The following CXADR variants were observed in gnomAD, a reference collection of about 807,000 sequenced individuals.
The protein encoded by CXADR is coxsackievirus and adenovirus receptor.
In CXADR, 20 loss-of-function variants were observed where a neutral mutation model predicts 40.3. That is an observed-to-expected ratio of 0.50 (90% CI 0.35 to 0.72). CXADR has a LOEUF of 0.72. Ranked by LOEUF, CXADR falls within the 30% of genes least tolerant of loss-of-function variation. CXADR has a pLI of 0.01. For missense variants in CXADR, 332 were observed against 449.1 expected, an observed-to-expected ratio of 0.74 and a Z score of 2.36; for synonymous variants, 150 against 161.3, an observed-to-expected ratio of 0.93 and a Z score of 0.53.
In CXADR at chr21:17,576,704, C is replaced by A. The variant is rs1260224611; in HGVS notation, c.1017+11093C>A. 3.3e-5 allele frequency: 5 copies of A among 152,152 alleles called. No individual in the cohort carries two copies. The East Asian group carries it at 7.7e-4, about 24-fold the overall frequency. 9.4% of individuals were successfully genotyped at this position (152,152 alleles called of 1,614,324 possible). A position where few individuals can be genotyped will look rare whatever the true frequency, so the allele number is the denominator to read the frequency against. On this transcript the variant is annotated intron_variant, in intron 7 of 7. Transcript: ENST00000400169. ...TGCCTTTGGGATTTTTACAGTAACT[C>A]GGAAGTAGTCCCTTGGTGTTATGTA... is the stretch of plus-strand genomic sequence containing the variant.
chr21:17,552,364 A>G (rs187254570), intron 3 of CXADR, among the ~76,000 whole-genome samples: 2 of 152,352 alleles, frequency 1.3e-5, no homozygotes, highest in Admixed American at 6.5e-5. Context: ...ATTGAATTCA[A>G]GTAAGGCCAT....
At chr21:17,538,030 C>T (rs1167180096) in intron 1 of CXADR, among the ~76,000 whole-genome samples, 1 of 151,288 alleles carries the variant, frequency 6.6e-6, no homozygotes, top group Middle Eastern at 3.2e-3. Context: ...AAGATGGAGT[C>T]TCTCTCTGTT....
intron 7 of CXADR, among the ~76,000 whole-genome samples, chr21:17,589,914 TATTA>T (rs1473205057): frequency 6.6e-6 from 1 of 152,102 alleles, no homozygotes; most frequent in Non-Finnish European, 1.5e-5. Flanking sequence ...TATTGGGCAT[TATTA>T]ATTTTGATTC....
At chr21:17,605,095 A>G in the CXADR span, 2 of 1,318,722 alleles carry the variant, frequency 1.5e-6, no homozygotes, top group African/African-American at 1.5e-5. Context: ...ATAAAATAGT[A>G]ATAAAAAAAT....
intron 7 of CXADR, among the ~76,000 whole-genome samples, chr21:17,586,078 T>G (rs62239949): frequency 0.12 from 18,848 of 152,164 alleles, 1,224 homozygotes; most frequent in Middle Eastern, 0.19. Flanking sequence ...TTGTGGCCAG[T>G]AATTTTTATA....
At chr21:17,559,281 G>T in intron 4 of CXADR, 150 bp downstream of exon 4, 1 of 762,980 alleles carries the variant, frequency 1.3e-6, no homozygotes, top group African/African-American at 1.8e-5. Flanking sequence ...CTAGGCTCAA[G>T]TCATCCTCCC....
At chr21:17,632,875 A>G in the CXADR span, among the ~76,000 whole-genome samples, 3 of 152,064 alleles carry the variant, frequency 2.0e-5, no homozygotes, top group African/African-American at 7.2e-5. Context: ...TCAAAAAAAT[A>G]AAAAAATAAA....
intron 3 of CXADR, among the ~76,000 whole-genome samples, chr21:17,554,246 C>T (rs1007807971): frequency 6.6e-6 from 1 of 150,684 alleles, no homozygotes; most frequent in Non-Finnish European, 1.5e-5. Flanking sequence ...CTGAAGAGAA[C>T]ATTACAGCAG....
downstream of CXADR, among the ~76,000 whole-genome samples, chr21:17,574,907 T>C (rs1376511096): frequency 1.3e-5 from 2 of 151,532 alleles, no homozygotes; most frequent in Non-Finnish European, 2.9e-5. Context: ...GTGTGTGATA[T>C]AAACAAGTGC....
At chr21:17,521,639 T>C (rs1157034297) in intron 1 of CXADR, among the ~76,000 whole-genome samples, 1 of 152,178 alleles carries the variant, frequency 6.6e-6, no homozygotes, top group African/African-American at 2.4e-5. Flanking sequence ...CAAATTTTGA[T>C]AGAGGAGTGG....
chr21:17,562,797 G>A (rs551259810), intron 6 of CXADR, among the ~76,000 whole-genome samples: 1 of 152,226 alleles, frequency 6.6e-6, no homozygotes, highest in South Asian at 2.1e-4. Flanking sequence ...TTATGTTATG[G>A]AAATGGCCTT....
intron 3 of CXADR, 128 bp downstream of exon 3, chr21:17,552,081 A>G (rs1303621083): frequency 1.4e-6 from 1 of 693,512 alleles, no homozygotes; most frequent in Admixed American, 2.9e-5. Flanking sequence ...CACTTGAAGT[A>G]CTTCTATGTT....
At chr21:17,531,690 A>G (rs957069071) in intron 1 of CXADR, among the ~76,000 whole-genome samples, 2 of 152,190 alleles carry the variant, frequency 1.3e-5, no homozygotes, top group Non-Finnish European at 2.9e-5. Flanking sequence ...GTCACAGAGG[A>G]TATCAGGTAC....
Position 17,566,194 on chromosome 21 carries a change from C to T in CXADR, c.*502C>T. On this transcript the variant is annotated 3_prime_UTR_variant, in exon 7 of 7. Transcript: ENST00000284878. ...TATGTTTGTACTTGGTTTTACAGCT[C>T]CTTTGAAAACTCTGTGTTTGGAATA... The T allele has an allele frequency of 2.0e-6, 2 of 982,898 alleles. No individual in the cohort carries two copies. Among genetic ancestry groups the T allele is most frequent in the Non-Finnish European group, 2.4e-6 (2 of 827,674 alleles). 60.9% of individuals were successfully genotyped at this position (982,898 alleles called of 1,614,324 possible).
chr21:17,545,759 A>C (rs561348454), intron 1 of CXADR, among the ~76,000 whole-genome samples: 11 of 148,466 alleles, frequency 7.4e-5, no homozygotes, highest in Admixed American at 6.9e-4. Context: ...AAATAATATG[A>C]GTCAACTATT....
chr21:17,527,800 T>C (rs1228518202), intron 1 of CXADR, among the ~76,000 whole-genome samples: 6 of 151,548 alleles, frequency 4.0e-5, no homozygotes, highest in Admixed American at 1.3e-4. Context: ...ATTTTTTTAT[T>C]TTTATTTATT....
At chr21:17,532,871 T>C (rs1265849384) in intron 1 of CXADR, among the ~76,000 whole-genome samples, 1 of 152,204 alleles carries the variant, frequency 6.6e-6, no homozygotes, top group Non-Finnish European at 1.5e-5. Context: ...AAACATCTAG[T>C]CACGGAGAGG....
At chr21:17,560,350 T>C (rs2061099188) in intron 4 of CXADR, among the ~76,000 whole-genome samples, 1 of 152,172 alleles carries the variant, frequency 6.6e-6, no homozygotes, top group Non-Finnish European at 1.5e-5. Context: ...AAAATAGGTT[T>C]TGTATGTTTT....
intron 5 of CXADR, 90 bp downstream of exon 5, chr21:17,560,914 AAG>A: frequency 6.5e-7 from 1 of 1,532,236 alleles, no homozygotes; most frequent in South Asian, 1.3e-5. Context: ...ATTAAGGACA[AAG>A]GGACACTGAC....
Sources: allele counts gnomAD v4.1 joint callset (sites outside exome capture counted in the v4.1 genomes callset), GRCh38; gene constraint gnomAD v4.1.1; transcripts MANE v1.5; gene names NCBI Gene and HGNC (gene_info 2026-07-23, HGNC 2026-07-21).